Variants in AFG1L observed in about 807,000 individuals in gnomAD.
The protein encoded by AFG1L is AFG1-like ATPase.
AFG1L carries 53 observed loss-of-function variants against 62.2 expected under a neutral mutation model. The ratio of observed to expected loss-of-function variants is 0.85; its 90% CI spans 0.68 to 1.07. The LOEUF (loss-of-function observed/expected upper bound fraction) is 1.07. AFG1L is among the 50% of genes least tolerant of loss of function. The pLI, the probability that AFG1L is intolerant of heterozygous loss-of-function variation, is 0.00. For synonymous variants in AFG1L, 228 were observed against 210.3 expected (o/e 1.08, Z -0.73); for missense variants, 555 against 590.5 (o/e 0.94, Z 0.62).
chr6:108,339,896 G>T (rs1016236621), intron 2 of AFG1L, among the ~76,000 whole-genome samples: 2 of 152,124 alleles, frequency 1.3e-5, no homozygotes, highest in South Asian at 4.2e-4. Context: ...TTTATCCTTT[G>T]TGTTACAATC....
intron 1 of AFG1L, among the ~76,000 whole-genome samples, chr6:108,322,219 A>T (rs894292460): frequency 2.6e-5 from 4 of 152,082 alleles, no homozygotes; most frequent in Non-Finnish European, 4.4e-5. Context: ...GAAGTTTATT[A>T]TTCTTTTACA....
intron 2 of AFG1L, among the ~76,000 whole-genome samples, chr6:108,338,328 G>A (rs1778547427): frequency 6.6e-6 from 1 of 152,118 alleles, no homozygotes; most frequent in Admixed American, 6.5e-5. Context: ...ATTTATCTCT[G>A]AGAAAACTTT....
At chr6:108,431,395 C>T (rs779410585) in intron 7 of AFG1L, among the ~76,000 whole-genome samples, 3 of 151,986 alleles carry the variant, frequency 2.0e-5, no homozygotes, top group Admixed American at 6.6e-5. Context: ...TGAGCCACCG[C>T]GCCTGGCTAT....
intron 2 of AFG1L, among the ~76,000 whole-genome samples, chr6:108,328,309 A>G (rs1582381700): frequency 6.6e-6 from 1 of 152,164 alleles, no homozygotes; most frequent in African/African-American, 2.4e-5. Flanking sequence ...TCAACTGGAT[A>G]TTTTGGTTAT....
chr6:108,346,503 C>G (rs1478636723), intron 2 of AFG1L, among the ~76,000 whole-genome samples: 1 of 152,060 alleles, frequency 6.6e-6, no homozygotes, highest in African/African-American at 2.4e-5. Flanking sequence ...GTAACTGGGA[C>G]CACAGGCGCA....
At chr6:108,327,894 G>A (rs965363139) in intron 2 of AFG1L, among the ~76,000 whole-genome samples, 1 of 152,150 alleles carries the variant, frequency 6.6e-6, no homozygotes, top group Non-Finnish European at 1.5e-5. Flanking sequence ...CTTAGAGGCC[G>A]TTAACCAGCG....
intron 11 of AFG1L, among the ~76,000 whole-genome samples, chr6:108,515,084 A>T (rs1582691306): frequency 6.6e-6 from 1 of 152,236 alleles, no homozygotes; most frequent in African/African-American, 2.4e-5. Context: ...CATTAGACAG[A>T]TCAACAAGAC....
intron 10 of AFG1L, among the ~76,000 whole-genome samples, chr6:108,485,656 A>ATATAT (rs1359021647): frequency 8.0e-5 from 2 of 25,032 alleles, no homozygotes; most frequent in African/African-American, 2.6e-4. Context: ...ATATATATAT[A>ATATAT]TTTTTTTTTT....
intron 6 of AFG1L, among the ~76,000 whole-genome samples, chr6:108,396,107 G>T: frequency 6.7e-6 from 1 of 150,198 alleles, no homozygotes; most frequent in Admixed American, 6.7e-5. Context: ...TTGAACTCCT[G>T]GGCTCAAGTG....
chr6:108,379,000 C>CTTTT (rs931030207), intron 6 of AFG1L, among the ~76,000 whole-genome samples: 39 of 123,036 alleles, frequency 3.2e-4, no homozygotes, highest in African/African-American at 5.5e-4. Context: ...TCTCCTTCTT[C>CTTTT]TTTTTTTTTT....
At position 108,323,949 on chromosome 6, in the gene AFG1L, A is replaced by G. The variant is rs35045474; in HGVS notation, c.264A>G (p.Leu88=). The change falls in exon 2 of 13, where the codon CTA becomes CTG. Residue 88 remains leucine (L), a synonymous_variant. Transcript: ENST00000368977. ...HYDFLIKAHE[L]KDDEHQRRVI... ...ATTTTCTGATCAAAGCTCATGAGCT[A>G]AAGGATGATGAACATCAAAGAAGAG... 3.8e-3 allele frequency: 6,128 copies of G among 1,614,134 alleles called. 33 individuals are homozygous for G. The highest frequency in any genetic ancestry group is 0.018 in the Middle Eastern group (107 of 6,062).
At chr6:108,383,477 T>G (rs1223168804) in intron 6 of AFG1L, among the ~76,000 whole-genome samples, 4 of 152,062 alleles carry the variant, frequency 2.6e-5, no homozygotes, top group Admixed American at 2.6e-4. Flanking sequence ...AGAAAGAGAT[T>G]GAATTAATTA....
intron 2 of AFG1L, among the ~76,000 whole-genome samples, chr6:108,340,156 G>T (rs1172877670): frequency 3.3e-5 from 5 of 151,736 alleles, no homozygotes; most frequent in Admixed American, 2.0e-4. Context: ...TGTGGTGTTT[G>T]TCTTTCTGTG....
chr6:108,394,657 C>T (rs762057346), intron 6 of AFG1L, among the ~76,000 whole-genome samples: 1 of 152,132 alleles, frequency 6.6e-6, no homozygotes, highest in African/African-American at 2.4e-5. Flanking sequence ...GTATGATAGT[C>T]TATCCTTTTT....
intron 7 of AFG1L, among the ~76,000 whole-genome samples, chr6:108,406,421 T>C (rs964382910): frequency 1.3e-5 from 2 of 152,036 alleles, no homozygotes; most frequent in African/African-American, 4.8e-5. Flanking sequence ...TAACTTTTCA[T>C]GTGCTTATTT....
At position 108,522,319 on chromosome 6, in the gene AFG1L, T is replaced by C. The variant is rs372784131; in HGVS notation, c.1340T>C (p.Met447Thr). 4.3e-6 allele frequency: 7 copies of C among 1,613,582 alleles called. No homozygotes were observed. In the African/African-American group the frequency reaches 5.3e-5, roughly 12 times the overall value. The change falls in exon 13 of 13, where the codon ATG becomes ACG. Residue 447 changes from methionine to threonine, a missense_variant. Transcript: ENST00000368977. ...LSQDSAEGLS[M>T]FTGEEEIFAF... ...CAGGATTCAGCAGAAGGACTCTCCA[T>C]GTTTACCGGAGAAGAGGAAATCTTT...
intron 8 of AFG1L, among the ~76,000 whole-genome samples, chr6:108,452,817 T>G: frequency 6.6e-6 from 1 of 152,142 alleles, no homozygotes; most frequent in East Asian, 1.9e-4. Flanking sequence ...AGATAATTCC[T>G]GCAACAGGCA....
At chr6:108,398,469 ATTTG>A (rs1369572318) in intron 6 of AFG1L, among the ~76,000 whole-genome samples, 4 of 151,996 alleles carry the variant, frequency 2.6e-5, no homozygotes, top group African/African-American at 9.7e-5. Context: ...ATGTGATCCC[ATTTG>A]TTCATTTTTG....
chr6:108,374,421 T>C (rs1273675075), intron 6 of AFG1L, among the ~76,000 whole-genome samples: 1 of 152,214 alleles, frequency 6.6e-6, no homozygotes, highest in Non-Finnish European at 1.5e-5. Flanking sequence ...AAGACTGATA[T>C]TCAGAATGGT....
Sources: gnomAD v4.1 joint callset for allele counts (sites outside exome capture counted in the v4.1 genomes callset) on GRCh38, gnomAD v4.1.1 for gene constraint, MANE v1.5 for transcripts, NCBI Gene and HGNC (gene_info 2026-07-23, HGNC 2026-07-21) for gene names.